Variants in TBX15 observed in about 807,000 individuals in gnomAD.
TBX15 encodes T-box transcription factor 15, also known as T-box transcription factor TBX15.
A neutral mutation model predicts 53.9 loss-of-function variants in TBX15; 18 were observed. The observed-to-expected ratio is 0.33, with a 90% CI of 0.23 to 0.49. The LOEUF (loss-of-function observed/expected upper bound fraction) is 0.49. Among genes scored for constraint, TBX15 ranks in the 20% least tolerant of loss-of-function variants. The pLI is 0.98. For missense variants in TBX15, 692 were observed against 749.5 expected (o/e 0.92, Z 0.90); for synonymous variants, 295 against 278.0 (o/e 1.06, Z -0.61).
At chr1:118,886,056 A>T (rs531226871) in intron 7 of TBX15, among the ~76,000 whole-genome samples, 1 of 152,322 alleles carries the variant, frequency 6.6e-6, no homozygotes, top group African/African-American at 2.4e-5. Context: ...AATGGAAGAC[A>T]GTGCCAAGTC....
intron 2 of TBX15, among the ~76,000 whole-genome samples, chr1:118,927,180 A>T (rs1655628415): frequency 6.6e-6 from 1 of 152,032 alleles, no homozygotes; most frequent in Admixed American, 6.6e-5. Context: ...ACTTAAATTG[A>T]CCTATTTGAT....
chr1:118,885,537 A>G (rs1211313723), intron 7 of TBX15, 21 bp from the exon 8 acceptor site: 1 of 1,557,236 alleles, frequency 6.4e-7, no homozygotes, highest in Non-Finnish European at 8.7e-7. Context: ...AAACGTGAAT[A>G]CTATTGAGAC....
At chr1:118,951,510 C>G (rs4659132) in intron 1 of TBX15, among the ~76,000 whole-genome samples, 26,794 of 152,056 alleles carry the variant, frequency 0.18, 3,001 homozygotes, top group East Asian at 0.5. Flanking sequence ...TATGTGGAGA[C>G]CCAGAACCCT....
intron 1 of TBX15, among the ~76,000 whole-genome samples, chr1:118,955,398 A>G (rs904368481): frequency 6.6e-6 from 1 of 152,222 alleles, no homozygotes; most frequent in Non-Finnish European, 1.5e-5. Context: ...ATCTCACTAT[A>G]TCTCCCATCT....
At chr1:118,974,316 A>G (rs1657347672) in intron 1 of TBX15, among the ~76,000 whole-genome samples, 1 of 152,200 alleles carries the variant, frequency 6.6e-6, no homozygotes, top group Non-Finnish European at 1.5e-5. Context: ...TTTAAAACAG[A>G]GATGGATTTT....
At chr1:118,902,487 T>C (rs1654664614) in intron 6 of TBX15, among the ~76,000 whole-genome samples, 1 of 152,208 alleles carries the variant, frequency 6.6e-6, no homozygotes, top group African/African-American at 2.4e-5. Context: ...ATGAATGCTT[T>C]ATTGCTGAGT....
chr1:118,926,077 C>T lies in TBX15; in HGVS notation c.521+433G>A, dbSNP rs541818975. On this transcript the variant is annotated intron_variant, in intron 3 of 7. Transcript: ENST00000369429. Reference sequence around the variant, plus strand: ...ATTCTTCTTGAAATTTTACCCAGTTCTCTTGTTCTTCCTCTCCATCATCTA... The same window carrying T: ...ATTCTTCTTGAAATTTTACCCAGTTTTCTTGTTCTTCCTCTCCATCATCTA... Among the ~76,000 whole-genome samples, 28 of 152,236 alleles carry T rather than the reference C, an allele frequency of 1.8e-4. 1 individual carries two copies. The South Asian group carries it at 5.4e-3, about 29-fold the overall frequency.
chr1:118,987,151 G>T (rs1049973713), intron 1 of TBX15, among the ~76,000 whole-genome samples: 1 of 152,206 alleles, frequency 6.6e-6, no homozygotes, highest in African/African-American at 2.4e-5. Context: ...AAGGCTAAAT[G>T]AGACAACTGG....
chr1:118,903,860 T>C (rs1654722350), intron 6 of TBX15, among the ~76,000 whole-genome samples: 1 of 152,198 alleles, frequency 6.6e-6, no homozygotes, highest in African/African-American at 2.4e-5. Flanking sequence ...AATGTTACAC[T>C]GAAGGCATGT....
intron 5 of TBX15, among the ~76,000 whole-genome samples, chr1:118,920,667 T>A (rs1455995777): frequency 6.6e-6 from 1 of 152,154 alleles, no homozygotes; most frequent in South Asian, 2.1e-4. Context: ...TTTACAATGA[T>A]GTATAGGATG....
intron 1 of TBX15, among the ~76,000 whole-genome samples, chr1:118,977,119 C>T (rs1199483376): frequency 6.6e-6 from 1 of 152,186 alleles, no homozygotes; most frequent in Non-Finnish European, 1.5e-5. Flanking sequence ...CAAGGTCATA[C>T]AACTAGCAAG....
At position 118,979,437 on chromosome 1, in the gene TBX15, TG is replaced by T. The variant is rs537976994; in HGVS notation, c.205+8153del. On this transcript the variant is annotated intron_variant, in intron 1 of 7. Transcript: ENST00000369429. ...GACCCTAGATTTACCCATTTGGAAA[TG>T]GTTAGGGATTAAAAGTTCTTCAAGC... 2.2e-3 allele frequency among the ~76,000 whole-genome samples: 334 copies of T among 152,170 alleles called. 1 individual carries two copies. The highest frequency in any genetic ancestry group is 7.4e-3 in the African/African-American group (308 of 41,524).
intron 1 of TBX15, among the ~76,000 whole-genome samples, chr1:118,942,005 T>G (rs929261638): frequency 2.6e-5 from 4 of 152,212 alleles, no homozygotes; most frequent in African/African-American, 9.6e-5. Flanking sequence ...GCATTAATAC[T>G]TCATCAACAA....
intron 1 of TBX15, among the ~76,000 whole-genome samples, chr1:118,952,738 A>T (rs1656557859): frequency 1.3e-5 from 2 of 152,190 alleles, no homozygotes; most frequent in Non-Finnish European, 2.9e-5. Flanking sequence ...CCAATAAATA[A>T]TAGTAACTCT....
intron 1 of TBX15, among the ~76,000 whole-genome samples, chr1:118,972,825 C>T (rs1571215542): frequency 6.6e-6 from 1 of 152,114 alleles, no homozygotes; most frequent in East Asian, 1.9e-4. Context: ...GTCTTGAACT[C>T]CTGACTTCAG....
At chr1:118,935,683 T>C (rs1655946241) in intron 1 of TBX15, among the ~76,000 whole-genome samples, 2 of 152,206 alleles carry the variant, frequency 1.3e-5, no homozygotes, top group Admixed American at 6.5e-5. Context: ...TTAACCATCA[T>C]TTTACTTTCT....
At position 118,930,473 on chromosome 1, in the gene TBX15, C is replaced by T. The variant is rs781526238; in HGVS notation, c.419+1146G>A. Among the ~76,000 whole-genome samples the T allele has an allele frequency of 1.3e-4, 20 of 152,188 alleles. 1 individual carries two copies. Among genetic ancestry groups the T allele is most frequent in the Admixed American group, 5.9e-4 (9 of 15,292 alleles). On this transcript the variant is annotated intron_variant, in intron 2 of 7. Coordinates refer to ENST00000369429, the MANE Select transcript of TBX15 (RefSeq NM_001330677.2). Reference sequence around the variant, plus strand: ...CTCTCTCACCCAGGGTGGAGTGCAACGGCACGATCTTGGCTCACTGCAACC... The same window carrying T: ...CTCTCTCACCCAGGGTGGAGTGCAATGGCACGATCTTGGCTCACTGCAACC...
intron 6 of TBX15, among the ~76,000 whole-genome samples, chr1:118,902,150 T>A (rs1654652678): frequency 6.6e-6 from 1 of 152,122 alleles, no homozygotes; most frequent in African/African-American, 2.4e-5. Context: ...TCTCATAGAT[T>A]TATATTATTG....
At chr1:118,914,405 G>A (rs74516309) in intron 5 of TBX15, among the ~76,000 whole-genome samples, 1 of 152,148 alleles carries the variant, frequency 6.6e-6, no homozygotes, top group African/African-American at 2.4e-5. Flanking sequence ...TGCCCAGTAT[G>A]TGACTCTAAA....
Sources: gnomAD v4.1 joint callset for allele counts (sites outside exome capture counted in the v4.1 genomes callset) on GRCh38, gnomAD v4.1.1 for gene constraint, MANE v1.5 for transcripts, NCBI Gene and HGNC (gene_info 2026-07-23, HGNC 2026-07-21) for gene names.